The following AGAP1 variants were observed in gnomAD, a reference collection of about 807,000 sequenced individuals.
AGAP1 encodes the protein arf-GAP with GTPase, ANK repeat and PH domain-containing protein 1.
Under a neutral mutation model 105.3 loss-of-function variants are expected in AGAP1, and 29 were observed. The observed-to-expected ratio is 0.28, with a 90% CI of 0.21 to 0.38. The LOEUF (loss-of-function observed/expected upper bound fraction) is 0.38, where lower values mean the gene tolerates loss of function less well. AGAP1 is among the 10% of genes least tolerant of loss of function. The pLI, the probability that AGAP1 is intolerant of heterozygous loss-of-function variation, is 1.00. For synonymous variants in AGAP1, 509 were observed against 485.9 expected (o/e 1.05, Z -0.63); for missense variants, 998 against 1,165.1 (o/e 0.86, Z 2.09).
At chr2:235,564,803 AG>A (rs1944290777) in intron 1 of AGAP1, among the ~76,000 whole-genome samples, 1 of 140,434 alleles carries the variant, frequency 7.1e-6, no homozygotes, top group African/African-American at 2.7e-5. Context: ...AGCCTGGACC[AG>A]CACCCACGGC....
Position 235,736,649 on chromosome 2 carries a change from G to T in AGAP1, c.311-4314G>T, listed in dbSNP as rs760166342. Among the ~76,000 whole-genome samples, 34 of 152,138 alleles carry T rather than the reference G, an allele frequency of 2.2e-4. No homozygotes were observed. Among genetic ancestry groups the T allele is most frequent in the Admixed American group, 7.2e-4 (11 of 15,284 alleles). On this transcript the variant is annotated intron_variant, in intron 3 of 17. Coordinates refer to ENST00000304032, the MANE Select transcript of AGAP1 (RefSeq NM_001037131.3). The surrounding 1 kb of genome is among the most constrained non-coding windows in gnomAD (Gnocchi z 5.5). Reference sequence around the variant, plus strand: ...GCAGGTAGACCGCTTGAGCCCAGGAGTTCGAGACCAGCCTGGGCAACACAA... The same window carrying T: ...GCAGGTAGACCGCTTGAGCCCAGGATTTCGAGACCAGCCTGGGCAACACAA...
At chr2:235,511,510 G>A (rs1197747113) in intron 1 of AGAP1, among the ~76,000 whole-genome samples, 1 of 152,114 alleles carries the variant, frequency 6.6e-6, no homozygotes, top group Non-Finnish European at 1.5e-5. Context: ...GCCTGAGTAG[G>A]CAAATTCCAC....
rs1388546629 is a variant in AGAP1 at position 235,577,843 on chromosome 2, T to A, written c.163+82994T>A. On this transcript the variant is annotated intron_variant, in intron 1 of 17. Transcript: ENST00000304032. This position sits in a 1 kb window ranked among gnomAD's most constrained non-coding sequence, Gnocchi z 4.5. ...CAGCGCTGCACAAAAGGCCCATGTC[T>A]GCTCGCTGGGACCTGATAGTTCGCC... is the stretch of plus-strand genomic sequence containing the variant. 1.1e-4 allele frequency among the ~76,000 whole-genome samples: 17 copies of A among 152,068 alleles called. No homozygotes were observed. Among genetic ancestry groups the A allele is most frequent in the African/African-American group, 4.1e-4 (17 of 41,398 alleles).
At position 235,582,732 on chromosome 2, in the gene AGAP1, G is replaced by A. The variant is rs897482488; in HGVS notation, c.163+87883G>A. Among the ~76,000 whole-genome samples, 2 of 152,254 alleles carry A rather than the reference G, an allele frequency of 1.3e-5. No homozygotes were observed. Among genetic ancestry groups the A allele is most frequent in the African/African-American group, 2.4e-5 (1 of 41,474 alleles). On this transcript the variant is annotated intron_variant, in intron 1 of 17. Coordinates refer to ENST00000304032, the MANE Select transcript of AGAP1 (RefSeq NM_001037131.3). The surrounding 1 kb of genome is among the most constrained non-coding windows in gnomAD (Gnocchi z 4.7). ...GGGAGAAGTCAGAGAGAGGGGGCTC[G>A]TGGTCCTTCTTGGGCTCTCATTGCT...
Position 236,083,563 on chromosome 2 carries a change from T to C in AGAP1, c.2114+34282T>C, listed in dbSNP as rs192977249. Among the ~76,000 whole-genome samples, 12 of 152,340 alleles carry C rather than the reference T, an allele frequency of 7.9e-5. No homozygotes were observed. The highest frequency in any genetic ancestry group is 1.3e-4 in the Non-Finnish European group (9 of 68,026). On this transcript the variant is annotated intron_variant, in intron 16 of 17. Transcript: ENST00000304032. This position sits in a 1 kb window ranked among gnomAD's most constrained non-coding sequence, Gnocchi z 5.3. The stretch of plus-strand genomic sequence containing the variant: ...CATTGTCACTGGAATTCCGTATAAA[T>C]GTGTGCATGCTCACACCCATGCCTA...
chr2:235,867,357 A>T lies in AGAP1; in HGVS notation c.1051-15988A>T, dbSNP rs897986249. Among the ~76,000 whole-genome samples the T allele has an allele frequency of 6.6e-6, 1 of 152,016 alleles. No individual in the cohort carries two copies. On this transcript the variant is annotated intron_variant, in intron 9 of 17. Coordinates refer to ENST00000304032, the MANE Select transcript of AGAP1 (RefSeq NM_001037131.3). This position sits in a 1 kb window ranked among gnomAD's most constrained non-coding sequence, Gnocchi z 5.4. The stretch of plus-strand genomic sequence containing the variant: ...ATGAACTTGACTGTGTTCCGATAAA[A>T]CTTTATTTACAGAAAGAGGCAGAGG...
chr2:235,987,130 TATTTATTTATTG>T (rs928562272), intron 13 of AGAP1, among the ~76,000 whole-genome samples: 3 of 151,248 alleles, frequency 2.0e-5, no homozygotes, highest in South Asian at 2.1e-4. Context: ...TTTATTTATT[TATTTATTTATTG>T]GTTGGTAGGC....
rs1217815014 is a variant in AGAP1, at chr2:236,105,633, G to A, written c.2115-14559G>A. Reference sequence around the variant, plus strand: ...TGCAGTGGCGTGAACTCGGCTCACTGCAACCTCCGCCTCCCGGGTTCACAC... The same window carrying A: ...TGCAGTGGCGTGAACTCGGCTCACTACAACCTCCGCCTCCCGGGTTCACAC... On this transcript the variant is annotated intron_variant, in intron 16 of 17. Transcript: ENST00000304032. This position sits in a 1 kb window ranked among gnomAD's most constrained non-coding sequence, Gnocchi z 4.2. 7.0e-6 allele frequency among the ~76,000 whole-genome samples: 1 copy of A among 142,422 alleles called. No homozygotes were observed. The highest frequency in any genetic ancestry group is 2.6e-5 in the African/African-American group (1 of 37,804). 93.4% of individuals were successfully genotyped at this position (142,422 alleles called of 152,430 possible). A position where few individuals can be genotyped will look rare whatever the true frequency, so the allele number is the denominator to read the frequency against.
At chr2:235,844,446 AT>A (rs1415681058) in intron 9 of AGAP1, among the ~76,000 whole-genome samples, 2 of 152,096 alleles carry the variant, frequency 1.3e-5, no homozygotes, top group Non-Finnish European at 2.9e-5. Flanking sequence ...TGCATATAAA[AT>A]TTTATCATTT....
At chr2:235,912,689 A>AC (rs1470592755) in intron 11 of AGAP1, among the ~76,000 whole-genome samples, 3 of 152,200 alleles carry the variant, frequency 2.0e-5, no homozygotes, top group African/African-American at 7.2e-5. Context: ...ATAACCATTT[A>AC]CAGGGTTCTT....
rs1376300268 is a variant in AGAP1 at position 235,971,227 on chromosome 2, A to G, written c.1645+2604A>G. ...AGGAAAAGTTACTTATCAGACTACAAATGAGTCACTTTTGTGAAAAAGTCT... is the reference window on the plus strand; with the variant it reads ...AGGAAAAGTTACTTATCAGACTACAGATGAGTCACTTTTGTGAAAAAGTCT... On this transcript the variant is annotated intron_variant, in intron 13 of 17. Coordinates refer to ENST00000304032, the MANE Select transcript of AGAP1 (RefSeq NM_001037131.3). The surrounding 1 kb of genome is among the most constrained non-coding windows in gnomAD (Gnocchi z 4.8). Among the ~76,000 whole-genome samples, 1 of 152,212 alleles carries G rather than the reference A, an allele frequency of 6.6e-6. No homozygotes were observed. The highest frequency in any genetic ancestry group is 1.5e-5 in the Non-Finnish European group (1 of 68,032).
chr2:235,756,275 A>G (rs988368715), intron 6 of AGAP1, among the ~76,000 whole-genome samples: 5 of 152,266 alleles, frequency 3.3e-5, no homozygotes, highest in Admixed American at 2.6e-4. Flanking sequence ...CATCTGTTCA[A>G]TCGGGGAGAC....
rs183857561 is a variant in AGAP1, at chr2:235,623,270, C to T, written c.164-85909C>T. 7.9e-5 allele frequency among the ~76,000 whole-genome samples: 12 copies of T among 152,224 alleles called. No individual in the cohort carries two copies. In the East Asian group the frequency reaches 1.7e-3, roughly 22 times the overall value. ...TGCAGGCTGACCTCTGCTTGTTGATCGTATTACAGCATGTTGGGCATGTCA... is the reference window on the plus strand; with the variant it reads ...TGCAGGCTGACCTCTGCTTGTTGATTGTATTACAGCATGTTGGGCATGTCA... On this transcript the variant is annotated intron_variant, in intron 1 of 17. Transcript: ENST00000304032. The surrounding 1 kb of genome is among the most constrained non-coding windows in gnomAD (Gnocchi z 4.5).
At chr2:235,803,025 A>G (rs910302940) in intron 8 of AGAP1, among the ~76,000 whole-genome samples, 8 of 36,254 alleles carry the variant, frequency 2.2e-4, no homozygotes, top group African/African-American at 3.0e-4. Flanking sequence ...GATGGTGGTG[A>G]TGGTTGTGAT....
Position 235,719,882 on chromosome 2 carries a change from A to G in AGAP1, c.310+2238A>G, listed in dbSNP as rs1951295039. 6.6e-6 allele frequency among the ~76,000 whole-genome samples: 1 copy of G among 152,224 alleles called. No individual in the cohort carries two copies. Among genetic ancestry groups the G allele is most frequent in the African/African-American group, 2.4e-5 (1 of 41,470 alleles). On this transcript the variant is annotated intron_variant, in intron 3 of 17. Coordinates refer to ENST00000304032, the MANE Select transcript of AGAP1 (RefSeq NM_001037131.3). This position sits in a 1 kb window ranked among gnomAD's most constrained non-coding sequence, Gnocchi z 4.9. ...GTGTCTAGGGCCCCTGGGTGCTGAA[A>G]GAATTATGAATACATGGCTCCTTGT...
intron 1 of AGAP1, among the ~76,000 whole-genome samples, chr2:235,536,674 CACA>C (rs1559231797): frequency 0.011 from 1,463 of 138,418 alleles, 12 homozygotes; most frequent in Non-Finnish European, 0.016. Flanking sequence ...CACACACACA[CACA>C]CCCCTTGCTT....
chr2:235,697,201 G>GCCC (rs986446703), intron 1 of AGAP1, among the ~76,000 whole-genome samples: 6 of 152,170 alleles, frequency 3.9e-5, no homozygotes, highest in Admixed American at 6.5e-5. Context: ...ACCGGAGGCA[G>GCCC]CCCTCCCATT....
chr2:235,899,003 A>G (rs558082823), intron 10 of AGAP1, among the ~76,000 whole-genome samples: 46 of 152,358 alleles, frequency 3.0e-4, no homozygotes, highest in Non-Finnish European at 5.7e-4. Flanking sequence ...AAACAAGAGT[A>G]GTTCCTGTAA....
chr2:235,702,596 C>T (rs142778323), intron 1 of AGAP1, among the ~76,000 whole-genome samples: 1 of 152,314 alleles, frequency 6.6e-6, no homozygotes, highest in Non-Finnish European at 1.5e-5. Flanking sequence ...GGATTACTTC[C>T]CATTCTAGAA....
Sources: gnomAD v4.1 joint callset for allele counts (sites outside exome capture counted in the v4.1 genomes callset) on GRCh38, gnomAD v4.1.1 for gene constraint, Gnocchi (gnomAD v3.1) non-coding constraint, MANE v1.5 for transcripts, NCBI Gene and HGNC (gene_info 2026-07-23, HGNC 2026-07-21) for gene names.